Variants in KATNBL1 observed in about 807,000 individuals in gnomAD.
The protein encoded by KATNBL1 is KATNB1-like protein 1.
KATNBL1 carries 28 observed loss-of-function variants against 44.7 expected under a neutral mutation model. The observed-to-expected ratio is 0.63, with a 90% CI of 0.46 to 0.86. The LOEUF is 0.86. KATNBL1 is among the 40% of genes least tolerant of loss of function. The probability of loss-of-function intolerance (pLI) is 0.00; values close to 1 mark genes in which losing one functional copy is unlikely to be tolerated. For synonymous variants in KATNBL1, 78 were observed against 114.9 expected (o/e 0.68, Z 2.06); for missense variants, 272 against 350.7 (o/e 0.78, Z 1.79).
At chr15:34,181,467 A>G (rs1198110764) in intron 1 of KATNBL1, among the ~76,000 whole-genome samples, 2 of 151,354 alleles carry the variant, frequency 1.3e-5, no homozygotes, top group Non-Finnish European at 2.9e-5. Flanking sequence ...GAAGGTCTTC[A>G]TAATTAGAGA....
At chr15:34,179,350 C>T (rs1237644915) in intron 1 of KATNBL1, among the ~76,000 whole-genome samples, 4 of 152,162 alleles carry the variant, frequency 2.6e-5, no homozygotes, top group African/African-American at 9.7e-5. Flanking sequence ...TGAACCTGCT[C>T]CTATGATAAA....
At chr15:34,157,668 G>A (rs1374351705) in intron 2 of KATNBL1, among the ~76,000 whole-genome samples, 2 of 152,172 alleles carry the variant, frequency 1.3e-5, no homozygotes, top group African/African-American at 2.4e-5. Context: ...GGAGCAGTTC[G>A]GATTCTCAAC....
chr15:34,168,278 G>A (rs1889047732), intron 1 of KATNBL1, among the ~76,000 whole-genome samples: 1 of 152,020 alleles, frequency 6.6e-6, no homozygotes, highest in Admixed American at 6.6e-5. Flanking sequence ...AAAAAAAGCA[G>A]GGTTTGCAGT....
At chr15:34,188,495 G>A (rs1889786913) in intron 1 of KATNBL1, among the ~76,000 whole-genome samples, 1 of 152,222 alleles carries the variant, frequency 6.6e-6, no homozygotes, top group Non-Finnish European at 1.5e-5. Flanking sequence ...GGTGGAGGTT[G>A]CAGTGAGTCA....
chr15:34,205,517 T>G (rs773593732), intron 1 of KATNBL1, among the ~76,000 whole-genome samples: 1 of 152,174 alleles, frequency 6.6e-6, no homozygotes, highest in African/African-American at 2.4e-5. Context: ...AAAATCTTAC[T>G]CTGTGAGTAA....
At chr15:34,183,298 A>G (rs980972469) in intron 1 of KATNBL1, among the ~76,000 whole-genome samples, 1 of 152,190 alleles carries the variant, frequency 6.6e-6, no homozygotes, top group African/African-American at 2.4e-5. Flanking sequence ...TGTCAGGCCA[A>G]TGGGAGTTAA....
intron 2 of KATNBL1, among the ~76,000 whole-genome samples, chr15:34,157,005 T>A (rs1467347034): frequency 6.6e-6 from 1 of 152,216 alleles, no homozygotes; most frequent in East Asian, 1.9e-4. Context: ...TCCGTCAAAC[T>A]CTTCCCAAGC....
rs547716672 is a variant in KATNBL1, at chr15:34,191,675, C to A, written c.-15+18276G>T. Among the ~76,000 whole-genome samples, 86 of 152,116 alleles carry A rather than the reference C, an allele frequency of 5.7e-4. 2 individuals are homozygous for A. The South Asian group carries it at 0.017, about 29-fold the overall frequency. ...TTTAGAAATCCATCCTGGCTGGGCG[C>A]AGTGGCTCACACCTGTAATCCTAAC... On this transcript the variant is annotated intron_variant, in intron 1 of 9. Coordinates refer to ENST00000256544, the MANE Select transcript of KATNBL1 (RefSeq NM_024713.3).
intron 1 of KATNBL1, among the ~76,000 whole-genome samples, chr15:34,205,130 G>A (rs1452336896): frequency 6.6e-6 from 1 of 151,974 alleles, no homozygotes; most frequent in Non-Finnish European, 1.5e-5. Context: ...AGTAGCTGGG[G>A]CTACAGGTGT....
At chr15:34,207,528 G>C (rs1400524226) in intron 1 of KATNBL1, among the ~76,000 whole-genome samples, 1 of 152,102 alleles carries the variant, frequency 6.6e-6, no homozygotes, top group Non-Finnish European at 1.5e-5. Context: ...TTGTAGAGAT[G>C]GAGTCTTGGT....
At chr15:34,174,566 CT>C (rs1317831056) in intron 1 of KATNBL1, among the ~76,000 whole-genome samples, 1 of 152,018 alleles carries the variant, frequency 6.6e-6, no homozygotes, top group East Asian at 1.9e-4. Context: ...GAAACATGAC[CT>C]AATTATACGT....
chr15:34,198,942 A>G (rs1890095343), intron 1 of KATNBL1, among the ~76,000 whole-genome samples: 1 of 152,158 alleles, frequency 6.6e-6, no homozygotes, highest in Admixed American at 6.6e-5. Flanking sequence ...ATCCCATTTA[A>G]TCTGATTGAA....
intron 1 of KATNBL1, among the ~76,000 whole-genome samples, chr15:34,202,280 C>CT (rs1890192510): frequency 6.6e-6 from 1 of 152,146 alleles, no homozygotes; most frequent in South Asian, 2.1e-4. Flanking sequence ...TTAAAAAACT[C>CT]TATCTTCATT....
At chr15:34,186,144 G>T (rs1447336500) in intron 1 of KATNBL1, among the ~76,000 whole-genome samples, 1 of 152,072 alleles carries the variant, frequency 6.6e-6, no homozygotes, top group African/African-American at 2.4e-5. Flanking sequence ...TGATCTTTCT[G>T]GCTGCTTCAT....
intron 3 of KATNBL1, 95 bp downstream of exon 3, chr15:34,154,549 T>C: frequency 1.3e-6 from 1 of 779,918 alleles, no homozygotes. Flanking sequence ...AAGTTAATTA[T>C]TATTATGATA....
At chr15:34,181,839 TACAC>T (rs1889568784) in intron 1 of KATNBL1, among the ~76,000 whole-genome samples, 1 of 59,482 alleles carries the variant, frequency 1.7e-5, no homozygotes, top group African/African-American at 6.2e-5. Context: ...TCCATATATA[TACAC>T]ATATATATAG....
At chr15:34,151,435 ACTTTTTTTTTTT>A (rs1226100730) in intron 4 of KATNBL1, among the ~76,000 whole-genome samples, 18 of 63,848 alleles carry the variant, frequency 2.8e-4, no homozygotes, top group Non-Finnish European at 5.1e-4. Context: ...TCCTTTGCCT[ACTTTTTTTTTTT>A]TTTTTTTTTT....
chr15:34,207,608 G>C (rs954422287), intron 1 of KATNBL1, among the ~76,000 whole-genome samples: 2 of 110,274 alleles, frequency 1.8e-5, no homozygotes, highest in Non-Finnish European at 3.7e-5. Context: ...CCAAAGTGCT[G>C]GGATTACAGG....
intron 1 of KATNBL1, chr15:34,198,356 G>A (rs1240997953): frequency 2.0e-5 from 3 of 152,102 alleles, no homozygotes; most frequent in Admixed American, 6.6e-5. Flanking sequence ...AGACAAACAA[G>A]CAATTATAAT....
Sources: allele counts gnomAD v4.1 joint callset (sites outside exome capture counted in the v4.1 genomes callset), GRCh38; gene constraint gnomAD v4.1.1; transcripts MANE v1.5; gene names NCBI Gene and HGNC (gene_info 2026-07-23, HGNC 2026-07-21).